INTS1: variants seen among roughly 807,000 people sequenced by gnomAD.
INTS1 encodes integrator complex subunit 1.
In INTS1, 137 loss-of-function variants were observed where a neutral mutation model predicts 241.6. That is an observed-to-expected ratio of 0.57 (90% CI 0.49 to 0.65). The LOEUF (loss-of-function observed/expected upper bound fraction) is 0.65, where lower values mean the gene tolerates loss of function less well. Ranked by LOEUF, INTS1 falls within the 30% of genes least tolerant of loss-of-function variation. The pLI is 0.00. For synonymous variants in INTS1, 1,692 were observed against 1,337.8 expected, an observed-to-expected ratio of 1.26 and a Z score of -5.78; for missense variants, 3,073 against 3,032.2, an observed-to-expected ratio of 1.01 and a Z score of -0.32.
Position 1,484,152 on chromosome 7 carries a change from C to A in INTS1, c.3280G>T (p.Val1094Leu). ...TGGGACATGATGGTGGAGCGCTCCA[C>A]GACCAGCCGGGCCACGTCCTGGTGT... Reference protein sequence around the residue: ...DLALDVARLVVERSTIMSHLF... With the variant: ...DLALDVARLVLERSTIMSHLF... The change falls in exon 25 of 48, where the codon GTG (valine) becomes TTG (leucine). Residue 1094 changes from valine to leucine, a missense_variant. Val to Leu is a conservative substitution (Grantham distance 32). Coordinates refer to ENST00000404767, the MANE Select transcript of INTS1 (RefSeq NM_001080453.3). 1.2e-6 allele frequency: 2 copies of A among 1,610,898 alleles called. No homozygotes were observed.
intron 5 of INTS1, 52 bp downstream of exon 5, chr7:1,499,832 C>A: frequency 6.3e-7 from 1 of 1,578,984 alleles, no homozygotes; most frequent in Non-Finnish European, 8.6e-7. Context: ...CTCGCCCCTG[C>A]CCCACCCCGT....
Position 1,487,383 on chromosome 7 carries a change from G to T in INTS1, c.2583C>A (p.Arg861=), listed in dbSNP as rs779747063. The T allele has an allele frequency of 6.2e-7, 1 of 1,611,740 alleles. No homozygotes were observed. Among genetic ancestry groups the T allele is most frequent in the African/African-American group, 1.3e-5 (1 of 75,060 alleles). ...DQVKSLNQSL[R]LGHLLCRSRN... ...GGCTGCGGCACAAGAGGTGCCCGAG[G>T]CGGAGGGACTGGTTGAGGCTTTTCA... Residue 861 remains arginine, a synonymous_variant, in exon 20 of 48, where the codon CGC becomes CGA. Coordinates refer to ENST00000404767, the MANE Select transcript of INTS1 (RefSeq NM_001080453.3).
In INTS1 at chr7:1,497,346, C is replaced by T. The variant is rs1002502051; in HGVS notation, c.1426-32G>A. On this transcript the variant is annotated intron_variant, in intron 10 of 47. Coordinates refer to ENST00000404767, the MANE Select transcript of INTS1 (RefSeq NM_001080453.3). The surrounding 1 kb of genome is among the most constrained non-coding windows in gnomAD (Gnocchi z 5.3). ...CAGAGAGAGGCCGCGTGGGAGGCTGCCCGACAGTGCTGTCCCTGTCACAGG... is the reference window on the plus strand; with the variant it reads ...CAGAGAGAGGCCGCGTGGGAGGCTGTCCGACAGTGCTGTCCCTGTCACAGG... The T allele has an allele frequency of 2.5e-6, 4 of 1,594,408 alleles. No individual in the cohort carries two copies. The highest frequency in any genetic ancestry group is 3.4e-6 in the Non-Finnish European group (4 of 1,170,762).
intron 16 of INTS1, among the ~76,000 whole-genome samples, chr7:1,490,774 C>T (rs1782510863): frequency 6.6e-6 from 1 of 152,218 alleles, no homozygotes; most frequent in Non-Finnish European, 1.5e-5. Context: ...CAAAACAATC[C>T]TGGGAAAGAA....
chr7:1,476,149 G>A (rs1458798947), intron 38 of INTS1, 78 bp from the exon 39 acceptor site: 2 of 1,525,192 alleles, frequency 1.3e-6, no homozygotes, highest in South Asian at 1.2e-5. Flanking sequence ...CAGGCGTGAT[G>A]GGAACCCACC....
Position 1,472,389 on chromosome 7 carries a change from G to C in INTS1, c.6071-3C>G. ...CAAGGAGCCGGCTGAGCTCTCCTCT[G>C]GAAGACAGTGGCAGTGCTGCAGGAG... On this transcript the variant is annotated splice_polypyrimidine_tract_variant and splice_region_variant and intron_variant, in intron 43 of 47. Transcript: ENST00000404767. 1 of 1,535,090 alleles carries C rather than the reference G, an allele frequency of 6.5e-7. No homozygotes were observed. The highest frequency in any genetic ancestry group is 8.8e-7 in the Non-Finnish European group (1 of 1,135,772).
rs956996623 is a variant in INTS1 at position 1,497,853 on chromosome 7, G to A, written c.1426-539C>T. 6.6e-5 allele frequency among the ~76,000 whole-genome samples: 10 copies of A among 152,326 alleles called. No homozygotes were observed. In the East Asian group the frequency reaches 1.2e-3, roughly 18 times the overall value. ...CCCGAGCCCGCTTCAAAGGAGACAC[G>A]GAAATCCAAGGGTCCTACAGCCAGG... On this transcript the variant is annotated intron_variant, in intron 10 of 47. Transcript: ENST00000404767. This position sits in a 1 kb window ranked among gnomAD's most constrained non-coding sequence, Gnocchi z 5.3.
intron 27 of INTS1, 77 bp downstream of exon 27, chr7:1,482,469 C>G (rs1782041965): frequency 6.9e-7 from 1 of 1,456,396 alleles, no homozygotes; most frequent in African/African-American, 1.4e-5. Flanking sequence ...GGAGGCTGCC[C>G]AGGCCCACAA....
intron 2 of INTS1, among the ~76,000 whole-genome samples, chr7:1,503,494 G>A (rs998481038): frequency 1.3e-5 from 2 of 152,224 alleles, no homozygotes; most frequent in African/African-American, 4.8e-5. Context: ...CTTTACAAGA[G>A]AGAAAGGGAC....
Position 1,504,384 on chromosome 7 carries a change from G to A in INTS1, c.-103C>T, listed in dbSNP as rs961558592. On this transcript the variant is annotated 5_prime_UTR_variant, in exon 1 of 48. Coordinates refer to ENST00000404767, the MANE Select transcript of INTS1 (RefSeq NM_001080453.3). ...CCCGGCCACCCCGGAATCGGAAACC[G>A]ATCTCACCGCCCTCGAGGACCCGAC... The A allele has an allele frequency of 1.5e-5, 7 of 476,538 alleles. 1 individual carries two copies. Among genetic ancestry groups the A allele is most frequent in the East Asian group, 6.7e-5 (1 of 14,858 alleles). The allele number at this position is 476,538 out of a possible 1,614,324, so 29.5% of individuals were successfully genotyped here. A position where few individuals can be genotyped will look rare whatever the true frequency, so the allele number is the denominator to read the frequency against.
chr7:1,480,479 T>C, intron 29 of INTS1, 38 bp from the exon 30 acceptor site: 2 of 1,599,944 alleles, frequency 1.3e-6, no homozygotes, highest in Non-Finnish European at 1.7e-6. Context: ...CTGGACACTT[T>C]CTGACCTGCT....
At position 1,484,646 on chromosome 7, in the gene INTS1, C is replaced by A. The variant is rs543766306; in HGVS notation, c.3261+452G>T. Among the ~76,000 whole-genome samples the A allele has an allele frequency of 6.2e-3, 945 of 152,338 alleles. 5 individuals are homozygous for A. Among genetic ancestry groups the A allele is most frequent in the Middle Eastern group, 0.02 (6 of 294 alleles). ...GGGCAGGTGCCCAGCGACCTGGGCC[C>A]ACAGCCCAAACCCTCCTGGCGTCGG... On this transcript the variant is annotated intron_variant, in intron 24 of 47. Coordinates refer to ENST00000404767, the MANE Select transcript of INTS1 (RefSeq NM_001080453.3).
At position 1,470,958 on chromosome 7, in the gene INTS1, G is replaced by A; in HGVS notation, c.6348-3C>T. 3 of 1,557,728 alleles carry A rather than the reference G, an allele frequency of 1.9e-6. No individual in the cohort carries two copies. The highest frequency in any genetic ancestry group is 2.6e-6 in the Non-Finnish European group (3 of 1,151,388). On this transcript the variant is annotated splice_polypyrimidine_tract_variant and splice_region_variant and intron_variant, in intron 46 of 47. Transcript: ENST00000404767. ...TGGGCAGGAAAGCGGCTGCAATGCT[G>A]AAAGACCCACACACTTCAGTGGGAA...
chr7:1,478,530 CCT>C, intron 32 of INTS1, 24 bp from the exon 33 acceptor site: 1 of 1,603,424 alleles, frequency 6.2e-7, no homozygotes, highest in Non-Finnish European at 8.5e-7. Context: ...GTGTGAGTGC[CCT>C]GTGGCTCCAG....
chr7:1,476,337 A>G lies in INTS1; in HGVS notation c.5270T>C (p.Leu1757Pro). Residue 1757 changes from leucine to proline, a missense_variant, in exon 38 of 48, where the codon CTC (leucine) becomes CCC (proline). Physicochemically the swap from Leu to Pro is moderately conservative, Grantham distance 98 (BLOSUM62 -3). Transcript: ENST00000404767. ...CAGCAGGGGCAGCCGGGCCTGGATG[A>G]GGCTGCAGGCGGCTGTGTCCCCGTC... ...SQDGDTAACS[L>P]IQARLPLLLS... The G allele has an allele frequency of 6.3e-7, 1 of 1,582,376 alleles. No homozygotes were observed. Among genetic ancestry groups the G allele is most frequent in the East Asian group, 2.3e-5 (1 of 43,320 alleles).
In INTS1 at chr7:1,471,230, C is replaced by A. The variant is rs751303536; in HGVS notation, c.6256-6G>T. ...ATCAGCCGCTGCAGGTTGGTCTGAC[C>A]GGGGGAAAGGTGGGAGGTGTGTGAC... On this transcript the variant is annotated splice_polypyrimidine_tract_variant and splice_region_variant and intron_variant, in intron 45 of 47. Coordinates refer to ENST00000404767, the MANE Select transcript of INTS1 (RefSeq NM_001080453.3). 6.4e-7 allele frequency: 1 copy of A among 1,571,720 alleles called. No individual in the cohort carries two copies. Among genetic ancestry groups the A allele is most frequent in the East Asian group, 2.4e-5 (1 of 42,330 alleles).
intron 37 of INTS1, 31 bp from the exon 38 acceptor site, chr7:1,476,486 C>G: frequency 8.8e-7 from 1 of 1,134,036 alleles, no homozygotes; most frequent in Non-Finnish European, 1.1e-6. Context: ...AGCCCCGGAG[C>G]ACCACCGCCT....
At position 1,485,459 on chromosome 7, in the gene INTS1, A is replaced by T; in HGVS notation, c.2987T>A (p.Leu996Gln). The T allele has an allele frequency of 6.2e-7, 1 of 1,612,356 alleles. No individual in the cohort carries two copies. The highest frequency in any genetic ancestry group is 8.5e-7 in the Non-Finnish European group (1 of 1,179,814). Residue 996 changes from leucine (L) to glutamine (Q), a missense_variant, in exon 23 of 48, where the codon CTG (leucine) becomes CAG (glutamine). Physicochemically the swap from Leu to Gln is moderately radical, Grantham distance 113 (BLOSUM62 -2). Transcript: ENST00000404767. ...SRVLAMKGLS[L>Q]VLSEGSLRDG... The stretch of plus-strand genomic sequence containing the variant: ...CCGCAGGCTGCCCTCCGAAAGCACC[A>T]GCGACAAACCCTGTGGCAGACACTC...
chr7:1,487,671 C>G (rs756167010), intron 19 of INTS1, 89 bp downstream of exon 19: 6 of 1,509,002 alleles, frequency 4.0e-6, no homozygotes, highest in Non-Finnish European at 4.5e-6. Flanking sequence ...CGGTCGGCTC[C>G]GCCTGCTCCT....
Sources: allele counts gnomAD v4.1 joint callset (sites outside exome capture counted in the v4.1 genomes callset), GRCh38; gene constraint gnomAD v4.1.1; non-coding constraint Gnocchi (gnomAD v3.1); transcripts MANE v1.5; gene names NCBI Gene and HGNC (gene_info 2026-07-23, HGNC 2026-07-21).